Variants in FGD4 observed in about 807,000 individuals in gnomAD.
The protein encoded by FGD4 is FYVE, RhoGEF and PH domain-containing protein 4.
Under a neutral mutation model 102.0 loss-of-function variants are expected in FGD4, and 42 were observed. The observed-to-expected ratio is 0.41, with a 90% confidence interval of 0.32 to 0.53. FGD4 has a LOEUF of 0.53. Among genes scored for constraint, FGD4 ranks in the 20% least tolerant of loss-of-function variants. The pLI, the probability that FGD4 is intolerant of heterozygous loss-of-function variation, is 0.21. For missense variants in FGD4, 902 were observed against 1,078.2 expected, an observed-to-expected ratio of 0.84 and a Z score of 2.29; for synonymous variants, 380 against 375.7, an observed-to-expected ratio of 1.01 and a Z score of -0.13.
chr12:32,606,534 G>C (rs1041378025), intron 7 of FGD4, among the ~76,000 whole-genome samples: 2 of 151,422 alleles, frequency 1.3e-5, no homozygotes, highest in Non-Finnish European at 2.9e-5. Flanking sequence ...ATTACTGTGG[G>C]CCTGTTCTCT....
chr12:32,620,852 A>T (rs1949797388), intron 11 of FGD4, among the ~76,000 whole-genome samples: 1 of 151,238 alleles, frequency 6.6e-6, no homozygotes, highest in Non-Finnish European at 1.5e-5. Context: ...TAATAGAGAC[A>T]GGGTTTCACC....
At chr12:32,574,554 CAT>C in intron 2 of FGD4, among the ~76,000 whole-genome samples, 1 of 152,262 alleles carries the variant, frequency 6.6e-6, no homozygotes, top group South Asian at 2.1e-4. Context: ...CTCCCCCAAA[CAT>C]ATGTTGGAAA....
chr12:32,459,189 C>CA (rs372431640), intron 1 of FGD4, among the ~76,000 whole-genome samples: 1 of 114,432 alleles, frequency 8.7e-6, no homozygotes, highest in Non-Finnish European at 1.8e-5. Context: ...TTTGACACTG[C>CA]TTTTTTTTTT....
At chr12:32,402,565 C>T (rs1175424209) in intron 1 of FGD4, among the ~76,000 whole-genome samples, 1 of 151,564 alleles carries the variant, frequency 6.6e-6, no homozygotes, top group Non-Finnish European at 1.5e-5. Flanking sequence ...CCTTCTGCCT[C>T]AGTCTCTTAA....
intron 1 of FGD4, among the ~76,000 whole-genome samples, chr12:32,551,184 G>T (rs12371303): frequency 6.6e-6 from 1 of 152,164 alleles, no homozygotes; most frequent in Non-Finnish European, 1.5e-5. Flanking sequence ...TAGGAAAATA[G>T]AACTCAGGCA....
chr12:32,640,814 T>A lies in FGD4; in HGVS notation c.*281T>A. 3 of 595,628 alleles carry A rather than the reference T, an allele frequency of 5.0e-6. No individual in the cohort carries two copies. Among genetic ancestry groups the A allele is most frequent in the Middle Eastern group, 4.5e-4 (1 of 2,228 alleles). 36.9% of individuals were successfully genotyped at this position (595,628 alleles called of 1,614,324 possible). Reference sequence around the variant, plus strand: ...TTGAAGAAATGGTGTATCAATTGATTCTGTCACCGTCAGGTTAGAATGAGC... The same window carrying A: ...TTGAAGAAATGGTGTATCAATTGATACTGTCACCGTCAGGTTAGAATGAGC... On this transcript the variant is annotated 3_prime_UTR_variant, in exon 17 of 17. Coordinates refer to ENST00000534526, the MANE Select transcript of FGD4 (RefSeq NM_001370298.3).
chr12:32,497,668 A>G (rs939526269), intron 1 of FGD4, among the ~76,000 whole-genome samples: 12 of 152,182 alleles, frequency 7.9e-5, no homozygotes, highest in African/African-American at 2.7e-4. Context: ...GAAAGAGAAC[A>G]TGGAAATACA....
chr12:32,530,358 C>T (rs1302732040), intron 1 of FGD4, among the ~76,000 whole-genome samples: 1 of 152,066 alleles, frequency 6.6e-6, no homozygotes, highest in Admixed American at 6.6e-5. Context: ...TGGCACGTGT[C>T]TATAATTCCA....
intron 1 of FGD4, among the ~76,000 whole-genome samples, chr12:32,537,989 A>G (rs1029725019): frequency 1.3e-5 from 2 of 152,110 alleles, no homozygotes; most frequent in African/African-American, 4.8e-5. Flanking sequence ...TCTGCCTCTC[A>G]GGCTGAAACG....
chr12:32,493,076 G>A (rs1044254217), intron 1 of FGD4, among the ~76,000 whole-genome samples: 2 of 152,180 alleles, frequency 1.3e-5, no homozygotes, highest in Non-Finnish European at 2.9e-5. Flanking sequence ...ATAGGGTTGG[G>A]ATTTAGATGA....
chr12:32,471,132 TC>T (rs1334165305), intron 1 of FGD4, among the ~76,000 whole-genome samples: 1 of 152,046 alleles, frequency 6.6e-6, no homozygotes, highest in Non-Finnish European at 1.5e-5. Context: ...CTGCCAACCT[TC>T]CCCCCAACCC....
chr12:32,580,379 C>A (rs1343159685), intron 3 of FGD4, among the ~76,000 whole-genome samples: 1 of 152,144 alleles, frequency 6.6e-6, no homozygotes, highest in Admixed American at 6.5e-5. Flanking sequence ...TCATCATTAT[C>A]ATGGTTATTC....
intron 1 of FGD4, among the ~76,000 whole-genome samples, chr12:32,443,601 CG>C (rs1942519959): frequency 1.4e-5 from 2 of 139,694 alleles, no homozygotes; most frequent in Admixed American, 7.8e-5. Context: ...TGCAGTGGTG[CG>C]ATCACAGCTC....
intron 7 of FGD4, among the ~76,000 whole-genome samples, chr12:32,603,405 GA>G (rs1948551780): frequency 6.6e-6 from 1 of 151,150 alleles, no homozygotes; most frequent in Non-Finnish European, 1.5e-5. Flanking sequence ...TTTTTTTGGA[GA>G]CGGAGTCTCG....
At chr12:32,403,626 CT>C (rs570603976) in intron 1 of FGD4, among the ~76,000 whole-genome samples, 1 of 146,800 alleles carries the variant, frequency 6.8e-6, no homozygotes, top group South Asian at 2.2e-4. Context: ...GAGACTGAGT[CT>C]TACCCTGTCG....
intron 1 of FGD4, among the ~76,000 whole-genome samples, chr12:32,514,273 A>AG (rs1939669138): frequency 6.6e-6 from 1 of 152,230 alleles, no homozygotes; most frequent in South Asian, 2.1e-4. Flanking sequence ...ATGAATGTTG[A>AG]GGCAAGAAAT....
At chr12:32,581,523 C>CTG (rs1221761253) in intron 3 of FGD4, among the ~76,000 whole-genome samples, 1 of 152,076 alleles carries the variant, frequency 6.6e-6, no homozygotes, top group Non-Finnish European at 1.5e-5. Flanking sequence ...TAAGGACTGG[C>CTG]TACACTGTAC....
rs559347575 is a variant in FGD4 at position 32,567,086 on chromosome 12, A to T, written c.319+2797A>T. ...GAAAAATGAAAGTTAGCTCACTGCA[A>T]CCTTGGCACTGGCATTATCAGTACT... On this transcript the variant is annotated intron_variant, in intron 2 of 16. Transcript: ENST00000534526. Among the ~76,000 whole-genome samples the T allele has an allele frequency of 2.0e-5, 3 of 152,300 alleles. No homozygotes were observed. In the East Asian group the frequency reaches 5.8e-4, roughly 29 times the overall value.
chr12:32,399,994 C>T lies in FGD4; in HGVS notation c.166+35C>T, dbSNP rs762504740. ...TCGGGGCGCGGGGGAAGGGTGGCCC[C>T]GGCGCGTAGGTGCGGGTGAGGGGCG... On this transcript the variant is annotated intron_variant, in intron 1 of 16. Coordinates refer to ENST00000534526, the MANE Select transcript of FGD4 (RefSeq NM_001370298.3). 1.6e-5 allele frequency: 23 copies of T among 1,426,736 alleles called. No individual in the cohort carries two copies. In the South Asian group the frequency reaches 3.2e-4, roughly 20 times the overall value. 88.4% of individuals were successfully genotyped at this position (1,426,736 alleles called of 1,614,324 possible).
Sources: gnomAD v4.1 joint callset for allele counts (sites outside exome capture counted in the v4.1 genomes callset) on GRCh38, gnomAD v4.1.1 for gene constraint, MANE v1.5 for transcripts, NCBI Gene and HGNC (gene_info 2026-07-23, HGNC 2026-07-21) for gene names.